Variants in IQCJ observed in about 807,000 individuals in gnomAD.
The protein encoded by IQCJ is IQ motif containing J, also known as IQ domain-containing protein J.
Under a neutral mutation model 11.0 loss-of-function variants are expected in IQCJ, and 9 were observed. The observed-to-expected ratio is 0.82, with a 90% CI of 0.49 to 1.43. The LOEUF (loss-of-function observed/expected upper bound fraction) is 1.43. Among genes scored for constraint, IQCJ ranks in the 40% most tolerant of loss-of-function variants. The pLI, the probability that IQCJ is intolerant of heterozygous loss-of-function variation, is 0.00. For synonymous variants in IQCJ, 55 were observed against 51.3 expected, an observed-to-expected ratio of 1.07 and a Z score of -0.31; for missense variants, 146 against 133.2, an observed-to-expected ratio of 1.10 and a Z score of -0.47.
chr3:159,247,851 A>G (rs1727363120), intron 2 of IQCJ, among the ~76,000 whole-genome samples: 1 of 152,184 alleles, frequency 6.6e-6, no homozygotes, highest in Non-Finnish European at 1.5e-5. Flanking sequence ...CAGAAGGGCA[A>G]GAGAAGGTCA....
intron 1 of IQCJ, among the ~76,000 whole-genome samples, chr3:159,079,329 G>A (rs1371950693): frequency 6.6e-6 from 1 of 152,060 alleles, no homozygotes; most frequent in Non-Finnish European, 1.5e-5. Flanking sequence ...TCTTGCTCTG[G>A]GGAGTTGGTC....
chr3:159,243,917 T>A lies in IQCJ; in HGVS notation c.10-1926T>A, dbSNP rs538782585. Among the ~76,000 whole-genome samples the A allele has an allele frequency of 1.2e-4, 19 of 152,248 alleles. 2 individuals carry two copies. The South Asian group carries it at 3.5e-3, about 28-fold the overall frequency. On this transcript the variant is annotated intron_variant, in intron 1 of 3. Coordinates refer to ENST00000397832, the MANE Select transcript of IQCJ (RefSeq NM_001042706.3). Reference sequence around the variant, plus strand: ...GAGGTGGCCAAGTTCCAAATATATTTTGAAAGTGGGGTCAATAAGATTAGC... The same window carrying A: ...GAGGTGGCCAAGTTCCAAATATATTATGAAAGTGGGGTCAATAAGATTAGC...
intron 1 of IQCJ, among the ~76,000 whole-genome samples, chr3:159,220,401 G>A (rs1224171153): frequency 6.6e-6 from 1 of 152,130 alleles, no homozygotes; most frequent in Non-Finnish European, 1.5e-5. Flanking sequence ...AAGAAGAGGA[G>A]GAAGCACCAG....
At chr3:159,075,624 T>A (rs964196269) in intron 1 of IQCJ, among the ~76,000 whole-genome samples, 7 of 152,068 alleles carry the variant, frequency 4.6e-5, no homozygotes, top group Non-Finnish European at 7.4e-5. Flanking sequence ...ACAATGTGTT[T>A]TCCTGATTTC....
In IQCJ at chr3:159,091,094, CT is replaced by C. The variant is rs35388050; in HGVS notation, c.9+21662del. Among the ~76,000 whole-genome samples, 1,290 of 150,180 alleles carry C rather than the reference CT, an allele frequency of 8.6e-3. 35 individuals are homozygous for C. The highest frequency in any genetic ancestry group is 0.03 in the African/African-American group (1,228 of 40,608). Reference sequence around the variant, plus strand: ...CCCTAACTTGAATTTTTCTTAGGGCCTTTTTTTTTAAGAACTATAGTTCTGT... The same window carrying C: ...CCCTAACTTGAATTTTTCTTAGGGCCTTTTTTTTAAGAACTATAGTTCTGT... On this transcript the variant is annotated intron_variant, in intron 1 of 3. Coordinates refer to ENST00000397832, the MANE Select transcript of IQCJ (RefSeq NM_001042706.3).
At chr3:159,208,105 G>A (rs1724758621) in intron 1 of IQCJ, among the ~76,000 whole-genome samples, 1 of 152,154 alleles carries the variant, frequency 6.6e-6, no homozygotes, top group African/African-American at 2.4e-5. Context: ...GAGTCTTCAT[G>A]GACCATCAAG....
At chr3:159,138,028 G>A (rs1478298812) in intron 1 of IQCJ, among the ~76,000 whole-genome samples, 1 of 147,540 alleles carries the variant, frequency 6.8e-6, no homozygotes, top group Non-Finnish European at 1.5e-5. Flanking sequence ...CATATGTTAT[G>A]TAATATATTA....
intron 1 of IQCJ, among the ~76,000 whole-genome samples, chr3:159,078,523 G>T (rs1190121850): frequency 1.3e-5 from 2 of 151,448 alleles, no homozygotes; most frequent in African/African-American, 4.8e-5. Flanking sequence ...AAGGACTCTT[G>T]GCTGTGTCTT....
Position 159,254,903 on chromosome 3 carries a change from C to G in IQCJ, c.155+2096C>G, listed in dbSNP as rs80192999. 1.0e-3 allele frequency among the ~76,000 whole-genome samples: 159 copies of G among 152,296 alleles called. 4 individuals are homozygous for G. The East Asian group carries it at 0.027, about 26-fold the overall frequency. The stretch of plus-strand genomic sequence containing the variant: ...AAGGGGCCATTGGGTCTCCTGTAAT[C>G]CCCCCAATAGTATAGGCTGCACATC... On this transcript the variant is annotated intron_variant, in intron 3 of 3. Coordinates refer to ENST00000397832, the MANE Select transcript of IQCJ (RefSeq NM_001042706.3).
intron 1 of IQCJ, among the ~76,000 whole-genome samples, chr3:159,209,572 C>G (rs768872919): frequency 1.1e-4 from 17 of 152,156 alleles, no homozygotes; most frequent in Non-Finnish European, 1.9e-4. Flanking sequence ...GCTAAAAGGG[C>G]ACTGCTTGTA....
intron 1 of IQCJ, among the ~76,000 whole-genome samples, chr3:159,091,038 T>C (rs907562361): frequency 9.2e-5 from 14 of 152,008 alleles, no homozygotes; most frequent in South Asian, 4.1e-4. Context: ...TTCAAAATGA[T>C]GTTAATATAA....
intron 1 of IQCJ, among the ~76,000 whole-genome samples, chr3:159,239,805 CA>C (rs1392959337): frequency 2.0e-5 from 3 of 152,076 alleles, no homozygotes; most frequent in Non-Finnish European, 4.4e-5. Context: ...TTTAGATATA[CA>C]AATATTTACC....
chr3:159,135,296 A>G (rs983267457), intron 1 of IQCJ, among the ~76,000 whole-genome samples: 1 of 152,126 alleles, frequency 6.6e-6, no homozygotes, highest in Non-Finnish European at 1.5e-5. Context: ...CTGGCATCTA[A>G]TCCCAGCCCA....
chr3:159,069,800 C>T (rs1715425356), intron 1 of IQCJ: 1 of 484,754 alleles, frequency 2.1e-6, no homozygotes, highest in East Asian at 5.9e-5. Context: ...CACACCCATG[C>T]AAATGGTATG....
intron 1 of IQCJ, among the ~76,000 whole-genome samples, chr3:159,201,511 CTGTGTGTG>C (rs59855853): frequency 6.0e-5 from 9 of 149,182 alleles, no homozygotes; most frequent in African/African-American, 2.0e-4. Context: ...TTGTGTATCT[CTGTGTGTG>C]TGTGTGTGTG....
intron 1 of IQCJ, among the ~76,000 whole-genome samples, chr3:159,149,727 A>G (rs1721104676): frequency 6.6e-6 from 1 of 152,212 alleles, no homozygotes; most frequent in African/African-American, 2.4e-5. Flanking sequence ...CTAAACTACA[A>G]GTAAATTGGA....
intron 1 of IQCJ, among the ~76,000 whole-genome samples, chr3:159,136,596 C>T (rs183479430): frequency 2.8e-4 from 43 of 152,198 alleles, no homozygotes; most frequent in Middle Eastern, 3.4e-3. Flanking sequence ...TTAAGGTGCC[C>T]GCATATTCAG....
intron 1 of IQCJ, among the ~76,000 whole-genome samples, chr3:159,205,870 A>G (rs1724631440): frequency 6.6e-6 from 1 of 152,002 alleles, no homozygotes; most frequent in Non-Finnish European, 1.5e-5. Context: ...TTCCTTCTCC[A>G]TCTGCTTCTC....
chr3:159,176,698 T>C (rs1407992703), intron 1 of IQCJ, among the ~76,000 whole-genome samples: 2 of 152,228 alleles, frequency 1.3e-5, no homozygotes, highest in African/African-American at 4.8e-5. Context: ...GATTTCAACA[T>C]GTACTCAATG....
Sources: gnomAD v4.1 joint callset for allele counts (sites outside exome capture counted in the v4.1 genomes callset) on GRCh38, gnomAD v4.1.1 for gene constraint, MANE v1.5 for transcripts, NCBI Gene and HGNC (gene_info 2026-07-23, HGNC 2026-07-21) for gene names.